CPD: variants seen among roughly 807,000 people sequenced by gnomAD.
CPD encodes metallocarboxypeptidase D.
Under a neutral mutation model 138.3 loss-of-function variants are expected in CPD, and 69 were observed. That is an observed-to-expected ratio of 0.50 (90% CI 0.41 to 0.61). The LOEUF (loss-of-function observed/expected upper bound fraction) is 0.61, where lower values mean the gene tolerates loss of function less well. CPD is among the 20% of genes least tolerant of loss of function. CPD has a pLI of 0.00. For synonymous variants in CPD, 651 were observed against 642.1 expected, an observed-to-expected ratio of 1.01 and a Z score of -0.21; for missense variants, 1,432 against 1,733.3, an observed-to-expected ratio of 0.83 and a Z score of 3.09.
In CPD at chr17:30,422,457, A is replaced by G. The variant is rs141939168; in HGVS notation, c.1308-217A>G. 3.3e-3 allele frequency among the ~76,000 whole-genome samples: 502 copies of G among 152,292 alleles called. 2 individuals are homozygous for G. Among genetic ancestry groups the G allele is most frequent in the African/African-American group, 0.011 (459 of 41,564 alleles). On this transcript the variant is annotated intron_variant, in intron 4 of 20. Coordinates refer to ENST00000225719, the MANE Select transcript of CPD (RefSeq NM_001304.5). Reference sequence around the variant, plus strand: ...TTTGGTATACATTCTAGTGTGTGGTACTTGAGAAGATTTGGTGAGAGAAAT... The same window carrying G: ...TTTGGTATACATTCTAGTGTGTGGTGCTTGAGAAGATTTGGTGAGAGAAAT...
Position 30,424,468 on chromosome 17 carries a change from T to C in CPD, c.1849+771T>C, listed in dbSNP as rs560148208. On this transcript the variant is annotated intron_variant, in intron 6 of 20. Coordinates refer to ENST00000225719, the MANE Select transcript of CPD (RefSeq NM_001304.5). ...CTTTCAGGTTAACTTTGGAGTGCCGTGGTCAAGAGGAGGGAATCTGTTGAG... is the reference window on the plus strand; with the variant it reads ...CTTTCAGGTTAACTTTGGAGTGCCGCGGTCAAGAGGAGGGAATCTGTTGAG... 5.3e-5 allele frequency among the ~76,000 whole-genome samples: 8 copies of C among 152,314 alleles called. No individual in the cohort carries two copies. In the South Asian group the frequency reaches 1.7e-3, roughly 32 times the overall value.
At chr17:30,459,916 A>G (rs1913423146) in intron 17 of CPD, among the ~76,000 whole-genome samples, 1 of 152,082 alleles carries the variant, frequency 6.6e-6, no homozygotes, top group Non-Finnish European at 1.5e-5. Flanking sequence ...CTTTATTCCC[A>G]TTTCTGCCTG....
chr17:30,405,040 C>T (rs190412462), intron 2 of CPD, among the ~76,000 whole-genome samples: 2 of 152,220 alleles, frequency 1.3e-5, no homozygotes, highest in African/African-American at 2.4e-5. Context: ...CAAAAAGTAT[C>T]TGTCTCTAAG....
chr17:30,412,293 C>T (rs1004199321), intron 2 of CPD, among the ~76,000 whole-genome samples: 3 of 152,166 alleles, frequency 2.0e-5, no homozygotes, highest in African/African-American at 7.2e-5. Context: ...GTCTGTCGGC[C>T]CCTACTGGGA....
intron 12 of CPD, 142 bp downstream of exon 12, chr17:30,446,162 T>C: frequency 1.5e-6 from 1 of 662,742 alleles, no homozygotes; most frequent in East Asian, 2.8e-5. Flanking sequence ...TTGCAACATG[T>C]ATTTGCTTGG....
chr17:30,442,531 A>G, intron 10 of CPD, 81 bp downstream of exon 10: 4 of 1,318,956 alleles, frequency 3.0e-6, no homozygotes, highest in Non-Finnish European at 4.3e-6. Flanking sequence ...TTGTGCAGTG[A>G]TTTTGGAATA....
chr17:30,419,512 TG>T (rs1912209391), intron 2 of CPD, among the ~76,000 whole-genome samples: 1 of 152,126 alleles, frequency 6.6e-6, no homozygotes, highest in Non-Finnish European at 1.5e-5. Flanking sequence ...GCTAATTTTT[TG>T]TATTTTTAGT....
intron 20 of CPD, 97 bp from the exon 21 acceptor site, chr17:30,464,491 A>G: frequency 1.1e-6 from 1 of 885,792 alleles, no homozygotes; most frequent in Non-Finnish European, 1.8e-6. Context: ...GAAATAAAAT[A>G]AATGAGGGGT....
In CPD at chr17:30,464,667, T is replaced by A; in HGVS notation, c.3996T>A (p.Asp1332Glu). ...CAATCAAGTCTAATAGACACAAGGA[T>A]GGCTTTCATCGGCTCAGGCAGCATC... ...ICSIKSNRHK[D>E]GFHRLRQHHD... Residue 1332 changes from aspartate (D) to glutamate (E), a missense_variant, in exon 21 of 21, where the codon GAT becomes GAA. Asp to Glu is a conservative substitution (Grantham distance 45). Coordinates refer to ENST00000225719, the MANE Select transcript of CPD (RefSeq NM_001304.5). 1.2e-6 allele frequency: 2 copies of A among 1,614,018 alleles called. No individual in the cohort carries two copies. Among genetic ancestry groups the A allele is most frequent in the African/African-American group, 2.7e-5 (2 of 75,034 alleles).
chr17:30,406,289 G>C (rs1288098998), intron 2 of CPD, among the ~76,000 whole-genome samples: 1 of 152,098 alleles, frequency 6.6e-6, no homozygotes, highest in Middle Eastern at 3.4e-3. Flanking sequence ...AATAAAAGAG[G>C]CTTGTCTCCA....
intron 8 of CPD, among the ~76,000 whole-genome samples, chr17:30,432,967 A>G (rs906388478): frequency 6.6e-6 from 1 of 152,162 alleles, no homozygotes; most frequent in Non-Finnish European, 1.5e-5. Flanking sequence ...TGAGGCTTGT[A>G]AACTAAGCTT....
At chr17:30,457,054 G>A (rs905971597) in intron 17 of CPD, among the ~76,000 whole-genome samples, 3 of 151,758 alleles carry the variant, frequency 2.0e-5, no homozygotes, top group Non-Finnish European at 2.9e-5. Context: ...ATTAAATGTT[G>A]TGCCCCAAAA....
chr17:30,393,592 A>T (rs1202896060), intron 2 of CPD, among the ~76,000 whole-genome samples: 1 of 152,260 alleles, frequency 6.6e-6, no homozygotes, highest in Non-Finnish European at 1.5e-5. Context: ...CATAGAGATC[A>T]TAACTGTTAG....
In CPD at chr17:30,389,995, C is replaced by A. The variant is rs140297920; in HGVS notation, c.994+4759C>A. 2.5e-3 allele frequency among the ~76,000 whole-genome samples: 379 copies of A among 151,370 alleles called. 1 individual carries two copies. Among genetic ancestry groups the A allele is most frequent in the African/African-American group, 8.7e-3 (359 of 41,264 alleles). On this transcript the variant is annotated intron_variant, in intron 2 of 20. Transcript: ENST00000225719. Reference sequence around the variant, plus strand: ...GAAACCTTGTGACTAGGCATATATTCAAAAAACCCGGATGTCCTGGAGTAA... The same window carrying A: ...GAAACCTTGTGACTAGGCATATATTAAAAAAACCCGGATGTCCTGGAGTAA...
intron 2 of CPD, among the ~76,000 whole-genome samples, chr17:30,412,270 G>GC (rs1911987163): frequency 6.6e-6 from 1 of 152,168 alleles, no homozygotes; most frequent in South Asian, 2.1e-4. Context: ...AGGGGCACCT[G>GC]CCTGTATGAG....
intron 2 of CPD, among the ~76,000 whole-genome samples, chr17:30,408,736 A>G (rs1911875055): frequency 6.6e-6 from 1 of 152,184 alleles, no homozygotes; most frequent in Admixed American, 6.5e-5. Flanking sequence ...CTAAATATAC[A>G]GTCATGCCAT....
At chr17:30,383,393 G>A (rs117429738) in intron 1 of CPD, among the ~76,000 whole-genome samples, 2,667 of 152,260 alleles carry the variant, frequency 0.018, 33 homozygotes, top group Non-Finnish European at 0.027. Context: ...GAATTTAAAG[G>A]CAGTAACTTC....
chr17:30,402,181 G>A (rs986239568), intron 2 of CPD, among the ~76,000 whole-genome samples: 7 of 150,642 alleles, frequency 4.6e-5, no homozygotes, highest in Admixed American at 4.6e-4. Flanking sequence ...TTTTAATTTA[G>A]TTACTGTATT....
At position 30,385,038 on chromosome 17, in the gene CPD, C is replaced by G; in HGVS notation, c.796C>G (p.Pro266Ala). ...LHGGSVVASY[P>A]FDDSPEHKAT... ...TGGTGGCTCAGTGGTAGCAAGCTATCCTTTTGATGATTCTCCAGAACATAA... is the reference window on the plus strand; with the variant it reads ...TGGTGGCTCAGTGGTAGCAAGCTATGCTTTTGATGATTCTCCAGAACATAA... Residue 266 changes from proline to alanine, a missense_variant, in exon 2 of 21, where the codon CCT (proline) becomes GCT (alanine). By Grantham distance (27) the Pro-to-Ala change is conservative. Coordinates refer to ENST00000225719, the MANE Select transcript of CPD (RefSeq NM_001304.5). 1 of 1,613,950 alleles carries G rather than the reference C, an allele frequency of 6.2e-7. No individual in the cohort carries two copies. The highest frequency in any genetic ancestry group is 1.3e-5 in the African/African-American group (1 of 74,992).
Sources: gnomAD v4.1 joint callset for allele counts (sites outside exome capture counted in the v4.1 genomes callset) on GRCh38, gnomAD v4.1.1 for gene constraint, MANE v1.5 for transcripts, NCBI Gene and HGNC (gene_info 2026-07-23, HGNC 2026-07-21) for gene names.